PCOLCE2: variants seen among roughly 807,000 people sequenced by gnomAD.
The protein encoded by PCOLCE2 is procollagen C-proteinase enhancer 2.
In PCOLCE2, 42 loss-of-function variants were observed where a neutral mutation model predicts 47.0. The observed-to-expected ratio is 0.89, with a 90% CI of 0.70 to 1.16. The LOEUF (loss-of-function observed/expected upper bound fraction) is 1.16. Among genes scored for constraint, PCOLCE2 ranks in the 50% most tolerant of loss-of-function variants. PCOLCE2 has a pLI of 0.00. For missense variants in PCOLCE2, 500 were observed against 526.1 expected (o/e 0.95, Z 0.49); for synonymous variants, 169 against 191.7 (o/e 0.88, Z 0.98).
chr3:142,873,068 C>T (rs1477406018), intron 2 of PCOLCE2, among the ~76,000 whole-genome samples: 1 of 152,068 alleles, frequency 6.6e-6, no homozygotes, highest in Non-Finnish European at 1.5e-5. Flanking sequence ...CCTTATATTA[C>T]TTACATTTTC....
At chr3:142,881,942 T>C (rs974017743) in intron 2 of PCOLCE2, among the ~76,000 whole-genome samples, 2 of 152,182 alleles carry the variant, frequency 1.3e-5, no homozygotes, top group Admixed American at 6.5e-5. Flanking sequence ...TTCACTTTAA[T>C]GGGACTGCCT....
intron 1 of PCOLCE2, 144 bp from the exon 2 acceptor site, chr3:142,887,921 A>C (rs959604972): frequency 1.4e-5 from 8 of 567,744 alleles, no homozygotes; most frequent in African/African-American, 5.7e-5. Context: ...GGGATCTGAA[A>C]ATTTGCTAGC....
chr3:142,838,999 C>T, intron 4 of PCOLCE2, 93 bp from the exon 5 acceptor site: 2 of 958,940 alleles, frequency 2.1e-6, no homozygotes, highest in Non-Finnish European at 3.1e-6. Flanking sequence ...TTGGAGGATA[C>T]TACGATTTTC....
At position 142,848,380 on chromosome 3, in the gene PCOLCE2, A is replaced by G. The variant is rs189139903; in HGVS notation, c.285T>C (p.Asn95=). The change falls in exon 3 of 9, where the codon AAT becomes AAC. Residue 95 remains asparagine (N), a synonymous_variant. Transcript: ENST00000295992. ...CAATGCGCTGGCCATTGGCATGGCCATTGTACACATCCACAAAGTCATAGC... is the reference window on the plus strand; with the variant it reads ...CAATGCGCTGGCCATTGGCATGGCCGTTGTACACATCCACAAAGTCATAGC... ...LCRYDFVDVY[N]GHANGQRIGR... is the part of the protein sequence containing the mutation. 1.2e-6 allele frequency: 2 copies of G among 1,614,202 alleles called. No homozygotes were observed. The highest frequency in any genetic ancestry group is 1.3e-5 in the African/African-American group (1 of 75,068).
chr3:142,846,807 A>G (rs1039822931), intron 3 of PCOLCE2: 1 of 152,054 alleles, frequency 6.6e-6, no homozygotes. Context: ...AGAATTATTA[A>G]TTTATTTTTT....
intron 2 of PCOLCE2, among the ~76,000 whole-genome samples, chr3:142,855,043 C>G (rs1460046637): frequency 6.6e-6 from 1 of 152,226 alleles, no homozygotes; most frequent in African/African-American, 2.4e-5. Context: ...GGCCTTTGCA[C>G]AGCCTGGTCC....
chr3:142,888,551 C>T lies in PCOLCE2; in HGVS notation c.83+263G>A. The T allele has an allele frequency of 1.5e-5, 6 of 388,006 alleles. No individual in the cohort carries two copies. In the East Asian group the frequency reaches 1.9e-4, roughly 12 times the overall value. The allele number at this position is 388,006 out of a possible 1,614,324, so 24.0% of individuals were successfully genotyped here. ...GAGACACAAGTCAGATTAAGCCCCGCCACGTGGTGGCCAAGCCAGCTGCAG... is the reference window on the plus strand; with the variant it reads ...GAGACACAAGTCAGATTAAGCCCCGTCACGTGGTGGCCAAGCCAGCTGCAG... On this transcript the variant is annotated intron_variant, in intron 1 of 8. Transcript: ENST00000295992.
chr3:142,877,538 G>A (rs546703940), intron 2 of PCOLCE2, among the ~76,000 whole-genome samples: 1 of 152,320 alleles, frequency 6.6e-6, no homozygotes, highest in Admixed American at 6.5e-5. Flanking sequence ...GCCAAGCACT[G>A]TGCTAAGGGA....
chr3:142,841,209 T>A (rs1472538120), intron 4 of PCOLCE2, among the ~76,000 whole-genome samples: 1 of 152,082 alleles, frequency 6.6e-6, no homozygotes, highest in African/African-American at 2.4e-5. Flanking sequence ...AAAATTCCAA[T>A]GAAATTCCTT....
At chr3:142,880,846 A>G (rs79505419) in intron 2 of PCOLCE2, among the ~76,000 whole-genome samples, 10,593 of 152,332 alleles carry the variant, frequency 0.07, 404 homozygotes, top group African/African-American at 0.11. Context: ...CAAAGGATAC[A>G]GTAACAACTT....
At chr3:142,885,557 T>C (rs575531912) in intron 2 of PCOLCE2, among the ~76,000 whole-genome samples, 1 of 152,316 alleles carries the variant, frequency 6.6e-6, no homozygotes, top group South Asian at 2.1e-4. Context: ...GCCTGGTGCA[T>C]GTATCCTTCT....
At chr3:142,859,525 A>G (rs1396053765) in intron 2 of PCOLCE2, among the ~76,000 whole-genome samples, 2 of 152,038 alleles carry the variant, frequency 1.3e-5, no homozygotes, top group African/African-American at 2.4e-5. Context: ...TTTATGGGTC[A>G]GGAACACAAA....
At chr3:142,845,455 C>T (rs1321932194) in intron 3 of PCOLCE2, among the ~76,000 whole-genome samples, 1 of 152,112 alleles carries the variant, frequency 6.6e-6, no homozygotes, top group Non-Finnish European at 1.5e-5. Context: ...AACATATACC[C>T]TTTTATATTT....
chr3:142,863,096 CAAAAAAAAAAAAAA>C (rs35383176), intron 2 of PCOLCE2, among the ~76,000 whole-genome samples: 1 of 85,992 alleles, frequency 1.2e-5, no homozygotes, highest in South Asian at 4.5e-4. Context: ...GTCTGGCAGG[CAAAAAAAAAAAAAA>C]AAAAAAAAAG....
chr3:142,850,034 G>C (rs1344499033), intron 2 of PCOLCE2, among the ~76,000 whole-genome samples: 1 of 152,176 alleles, frequency 6.6e-6, no homozygotes, highest in Non-Finnish European at 1.5e-5. Context: ...CTAATTCCTA[G>C]AAGCTTGTCT....
In PCOLCE2 at chr3:142,855,340, T is replaced by TAA. The variant is rs11446532; in HGVS notation, c.193-6870_193-6869dup. On this transcript the variant is annotated intron_variant, in intron 2 of 8. Coordinates refer to ENST00000295992, the MANE Select transcript of PCOLCE2 (RefSeq NM_013363.4). ...TAAATGACTGCGATCCTTATAATCTTAAAATAATAGTGCAGGCCATGACTC... is the reference window on the plus strand; with the variant it reads ...TAAATGACTGCGATCCTTATAATCTTAAAAAATAATAGTGCAGGCCATGACTC... Among the ~76,000 whole-genome samples the TAA allele has an allele frequency of 2.0e-4, 30 of 151,542 alleles. No individual in the cohort carries two copies. In the East Asian group the frequency reaches 3.7e-3, roughly 19 times the overall value.
chr3:142,876,878 T>C (rs1933506556), intron 2 of PCOLCE2, among the ~76,000 whole-genome samples: 2 of 152,178 alleles, frequency 1.3e-5, no homozygotes, highest in South Asian at 2.1e-4. Context: ...TGCTGGGGGA[T>C]GCCAGAAAAA....
intron 2 of PCOLCE2, among the ~76,000 whole-genome samples, chr3:142,852,810 T>G (rs1428130248): frequency 1.3e-5 from 2 of 150,870 alleles, no homozygotes; most frequent in Non-Finnish European, 1.5e-5. Context: ...TTTGTGTTGT[T>G]TTAAAAATTA....
At chr3:142,869,051 G>A (rs1471579106) in intron 2 of PCOLCE2, among the ~76,000 whole-genome samples, 4 of 152,080 alleles carry the variant, frequency 2.6e-5, no homozygotes, top group Non-Finnish European at 5.9e-5. Flanking sequence ...CAGCACTTTG[G>A]GAGGCTGAGG....
Sources: gnomAD v4.1 joint callset for allele counts (sites outside exome capture counted in the v4.1 genomes callset) on GRCh38, gnomAD v4.1.1 for gene constraint, MANE v1.5 for transcripts, NCBI Gene and HGNC (gene_info 2026-07-23, HGNC 2026-07-21) for gene names.